The following RBFOX1 variants were observed in gnomAD, a reference collection of about 807,000 sequenced individuals.
RBFOX1 encodes RNA binding fox-1 homolog 1, also known as RNA binding protein fox-1 homolog 1.
RBFOX1 carries 8 observed loss-of-function variants against 57.7 expected under a neutral mutation model. That is an observed-to-expected ratio of 0.14 (90% CI 0.08 to 0.25). The LOEUF is 0.25. Ranked by LOEUF, RBFOX1 falls within the 10% of genes least tolerant of loss-of-function variation. RBFOX1 has a pLI of 1.00. For missense variants in RBFOX1, 611 were observed against 548.5 expected (o/e 1.11, Z -1.14); for synonymous variants, 326 against 222.4 (o/e 1.47, Z -4.15).
intron 3 of RBFOX1, among the ~76,000 whole-genome samples, chr16:5,819,612 C>G (rs766809281): frequency 7.2e-5 from 11 of 152,200 alleles, no homozygotes; most frequent in Non-Finnish European, 1.2e-4. Flanking sequence ...GGAAGACTTA[C>G]GTTGTACTGA....
intron 2 of RBFOX1, among the ~76,000 whole-genome samples, chr16:6,434,223 A>G (rs1363318921): frequency 6.6e-6 from 1 of 152,118 alleles, no homozygotes; most frequent in South Asian, 2.1e-4. Context: ...AATATCCCTA[A>G]TTACATAACA....
intron 2 of RBFOX1, among the ~76,000 whole-genome samples, chr16:6,508,620 C>A (rs28666610): frequency 2.0e-5 from 3 of 152,100 alleles, no homozygotes; most frequent in Non-Finnish European, 4.4e-5. Context: ...ATTGCTGTTT[C>A]TTCTTTACTT....
intron 2 of RBFOX1, among the ~76,000 whole-genome samples, chr16:6,490,527 T>G (rs1278574224): frequency 6.6e-6 from 1 of 152,216 alleles, no homozygotes; most frequent in Non-Finnish European, 1.5e-5. Flanking sequence ...TGTACGTTAC[T>G]TAAGTGTTAG....
chr16:7,377,794 C>T (rs74010696), intron 4 of RBFOX1, among the ~76,000 whole-genome samples: 1 of 152,078 alleles, frequency 6.6e-6, no homozygotes, highest in African/African-American at 2.4e-5. Flanking sequence ...TTTAGTGGGA[C>T]AGATAGGTGG....
intron 3 of RBFOX1, among the ~76,000 whole-genome samples, chr16:5,763,507 G>T (rs190439658): frequency 6.6e-6 from 1 of 152,212 alleles, no homozygotes. Context: ...GATGAAGGGG[G>T]CATGTCTTTA....
intron 4 of RBFOX1, among the ~76,000 whole-genome samples, chr16:7,219,557 T>G (rs757107821): frequency 3.9e-5 from 6 of 152,184 alleles, no homozygotes; most frequent in Non-Finnish European, 7.3e-5. Flanking sequence ...AGACTTGCTA[T>G]TTTGTAGTGC....
chr16:6,873,599 C>G (rs1013444604), intron 3 of RBFOX1, among the ~76,000 whole-genome samples: 1 of 152,074 alleles, frequency 6.6e-6, no homozygotes, highest in Non-Finnish European at 1.5e-5. Context: ...TATTACACGT[C>G]TAGTTTTTAC....
rs186122652 is a variant in RBFOX1 at position 6,877,104 on chromosome 16, A to G, written c.-15-174953A>G. 3.7e-3 allele frequency among the ~76,000 whole-genome samples: 564 copies of G among 152,348 alleles called. 3 individuals carry two copies. Among genetic ancestry groups the G allele is most frequent in the Middle Eastern group, 0.027 (8 of 294 alleles). ...TTACTGGTGCTTAACAAGCATAGGC[A>G]GTCCCGCTGAAGAGAAATAACACCA... is the stretch of plus-strand genomic sequence containing the variant. On this transcript the variant is annotated intron_variant, in intron 3 of 15. Transcript: ENST00000550418.
intron 4 of RBFOX1, among the ~76,000 whole-genome samples, chr16:7,160,751 C>G (rs1177760100): frequency 1.3e-5 from 2 of 151,552 alleles, no homozygotes; most frequent in African/African-American, 4.9e-5. Flanking sequence ...GTACCTATGT[C>G]TATTCCTCCT....
chr16:7,192,331 T>C (rs1401332976), intron 4 of RBFOX1, among the ~76,000 whole-genome samples: 1 of 152,174 alleles, frequency 6.6e-6, no homozygotes, highest in African/African-American at 2.4e-5. Context: ...AGAGGTTCCA[T>C]CTAAGAGAGT....
At chr16:6,873,858 G>C (rs1391025522) in intron 3 of RBFOX1, 3 of 152,112 alleles carry the variant, frequency 2.0e-5, no homozygotes. Context: ...CTTGCATAAA[G>C]TCAGACAGCT....
chr16:5,241,870 G>A (rs1306990055), intron 1 of RBFOX1, among the ~76,000 whole-genome samples: 1 of 151,990 alleles, frequency 6.6e-6, no homozygotes, highest in African/African-American at 2.4e-5. Flanking sequence ...AGAGGCCGAA[G>A]GGGGAGGATC....
At chr16:6,861,573 C>A (rs1050315722) in intron 3 of RBFOX1, among the ~76,000 whole-genome samples, 1 of 146,430 alleles carries the variant, frequency 6.8e-6, no homozygotes, top group African/African-American at 2.5e-5. Flanking sequence ...ATCTTAGGCT[C>A]TCATTTCATA....
Position 7,217,292 on chromosome 16 carries a change from C to CTTTTTTTTTTTTTTTTTT in RBFOX1, c.27+165195_27+165212dup, listed in dbSNP as rs71147672. Among the ~76,000 whole-genome samples, 2 of 104,080 alleles carry CTTTTTTTTTTTTTTTTTT rather than the reference C, an allele frequency of 1.9e-5. 1 individual carries two copies. The allele number at this position is 104,080 out of a possible 152,430, so 68.3% of individuals were successfully genotyped here. ...AATTATCTTTTTTTTTCTTATTCTTCTTTTTTTTTTTTTTTTTTAGTAGAG... is the reference window on the plus strand; with the variant it reads ...AATTATCTTTTTTTTTCTTATTCTTCTTTTTTTTTTTTTTTTTTTTTTTTTTTTTTTTTTTTAGTAGAG... On this transcript the variant is annotated intron_variant, in intron 4 of 15. Coordinates refer to ENST00000550418, the MANE Select transcript of RBFOX1 (RefSeq NM_018723.4).
At chr16:7,549,591 C>T (rs906964848) in intron 5 of RBFOX1, among the ~76,000 whole-genome samples, 2 of 152,312 alleles carry the variant, frequency 1.3e-5, no homozygotes, top group South Asian at 4.1e-4. Flanking sequence ...GTGAAACCTT[C>T]AGTCTGTGGT....
At position 6,825,944 on chromosome 16, in the gene RBFOX1, T is replaced by G. The variant is rs149470217; in HGVS notation, c.-16+171294T>G. On this transcript the variant is annotated intron_variant, in intron 3 of 15. Coordinates refer to ENST00000550418, the MANE Select transcript of RBFOX1 (RefSeq NM_018723.4). Reference sequence around the variant, plus strand: ...TTCAAATCCTGGTTGTACCGCAGGGTGCTCATCCTTTAACGATACGAGTTT... The same window carrying G: ...TTCAAATCCTGGTTGTACCGCAGGGGGCTCATCCTTTAACGATACGAGTTT... Among the ~76,000 whole-genome samples, 124 of 152,178 alleles carry G rather than the reference T, an allele frequency of 8.1e-4. 1 individual carries two copies. Among genetic ancestry groups the G allele is most frequent in the African/African-American group, 2.9e-3 (121 of 41,540 alleles).
chr16:5,268,122 G>A (rs1159352487), intron 1 of RBFOX1, among the ~76,000 whole-genome samples: 1 of 151,790 alleles, frequency 6.6e-6, no homozygotes, highest in African/African-American at 2.4e-5. Context: ...CATCAGAGTT[G>A]ACTCTAACAC....
At chr16:5,749,343 C>G (rs1026791910) in intron 3 of RBFOX1, among the ~76,000 whole-genome samples, 10 of 152,212 alleles carry the variant, frequency 6.6e-5, no homozygotes, top group African/African-American at 2.4e-4. Flanking sequence ...ATTTATTTGT[C>G]TTGGAGTTGC....
intron 5 of RBFOX1, among the ~76,000 whole-genome samples, chr16:7,540,762 T>A (rs1163638536): frequency 6.6e-6 from 1 of 152,202 alleles, no homozygotes; most frequent in Non-Finnish European, 1.5e-5. Flanking sequence ...CGAAGGGAGT[T>A]CATGTTGTCA....
Sources: gnomAD v4.1 joint callset for allele counts (sites outside exome capture counted in the v4.1 genomes callset) on GRCh38, gnomAD v4.1.1 for gene constraint, MANE v1.5 for transcripts, NCBI Gene and HGNC (gene_info 2026-07-23, HGNC 2026-07-21) for gene names.